The following DPP8 variants were observed in gnomAD, a reference collection of about 807,000 sequenced individuals.
DPP8 encodes the protein dipeptidyl peptidase 8.
Under a neutral mutation model 107.5 loss-of-function variants are expected in DPP8, and 31 were observed. The ratio of observed to expected loss-of-function variants is 0.29; its 90% CI spans 0.22 to 0.39. DPP8 has a LOEUF of 0.39. Among genes scored for constraint, DPP8 ranks in the 10% least tolerant of loss-of-function variants. The probability of loss-of-function intolerance (pLI) is 1.00; values close to 1 mark genes in which losing one functional copy is unlikely to be tolerated. For synonymous variants in DPP8, 381 were observed against 356.6 expected (o/e 1.07, Z -0.77); for missense variants, 842 against 1,076.1 (o/e 0.78, Z 3.04).
Position 65,507,353 on chromosome 15 carries a change from T to C in DPP8, c.262A>G (p.Met88Val), listed in dbSNP as rs546844989. The stretch of plus-strand genomic sequence containing the variant: ...GTATTTTCTCTGTTCTCACCAGACA[T>C]GGCTATAGGAGAAAGCAATCATTTA... Reference protein sequence around the residue: ...PHSDRIYYLAMSGENRENTLF... With the variant: ...PHSDRIYYLAVSGENRENTLF... The change falls in exon 3 of 20, where the codon ATG becomes GTG. Residue 88 changes from methionine (M) to valine (V), a missense_variant and splice_region_variant. Around this residue, in one of 2 missense-constraint regions of DPP8, gnomAD observed 663 missense variants for 758.0 expected, o/e 0.87. Coordinates refer to ENST00000300141, the MANE Select transcript of DPP8 (RefSeq NM_130434.5). 51 of 1,566,400 alleles carry C rather than the reference T, an allele frequency of 3.3e-5. No homozygotes were observed. The South Asian group carries it at 5.6e-4, about 17-fold the overall frequency.
rs1230474931 is a variant in DPP8 at position 65,448,900 on chromosome 15, A to G, written c.2527-1894T>C. ...TATATATATATATATATATATATAT[A>G]TATATATATATATATATATATATTT... On this transcript the variant is annotated intron_variant, in intron 19 of 19. Transcript: ENST00000300141. Among the ~76,000 whole-genome samples the G allele has an allele frequency of 3.3e-3, 270 of 82,558 alleles. 19 individuals carry two copies. Among genetic ancestry groups the G allele is most frequent in the African/African-American group, 0.012 (237 of 20,396 alleles). 54.2% of individuals were successfully genotyped at this position (82,558 alleles called of 152,430 possible). A position where few individuals can be genotyped will look rare whatever the true frequency, so the allele number is the denominator to read the frequency against.
chr15:65,471,650 C>A (rs1316099466), intron 12 of DPP8, among the ~76,000 whole-genome samples: 1 of 151,976 alleles, frequency 6.6e-6, no homozygotes, highest in African/African-American at 2.4e-5. Context: ...CCACACCTGC[C>A]TAATTTAAAA....
chr15:65,456,724 T>C (rs920127776), intron 15 of DPP8, among the ~76,000 whole-genome samples: 2 of 152,130 alleles, frequency 1.3e-5, no homozygotes, highest in African/African-American at 4.8e-5. Context: ...TAAGAAAAAC[T>C]TTCCTCCCCA....
At chr15:65,499,060 C>G (rs147605445) in intron 4 of DPP8, among the ~76,000 whole-genome samples, 39 of 124,946 alleles carry the variant, frequency 3.1e-4, no homozygotes, top group African/African-American at 1.1e-3. Flanking sequence ...TGTCTCCCCC[C>G]CAAAAAAAAA....
intron 5 of DPP8, 122 bp from the exon 6 acceptor site, chr15:65,490,421 G>C: frequency 1.4e-6 from 1 of 690,918 alleles, no homozygotes; most frequent in Non-Finnish European, 2.5e-6. Flanking sequence ...GAGCTGAACG[G>C]ACTGAGTTCA....
chr15:65,483,655 G>T (rs1172340825), intron 8 of DPP8, among the ~76,000 whole-genome samples: 1 of 149,394 alleles, frequency 6.7e-6, no homozygotes, highest in East Asian at 1.9e-4. Flanking sequence ...AGCCACTTTG[G>T]AAAAACACTT....
intron 18 of DPP8, 50 bp downstream of exon 18, chr15:65,451,910 G>GT: frequency 4.0e-6 from 6 of 1,507,468 alleles, no homozygotes; most frequent in Non-Finnish European, 5.3e-6. Context: ...AAGTGACAGA[G>GT]TGAGACCCTG....
At chr15:65,495,477 A>T (rs1401190132) in intron 5 of DPP8, among the ~76,000 whole-genome samples, 1 of 151,732 alleles carries the variant, frequency 6.6e-6, no homozygotes, top group Non-Finnish European at 1.5e-5. Context: ...GGTGGTGTGC[A>T]CCTGTAATCC....
intron 5 of DPP8, 67 bp downstream of exon 5, chr15:65,497,797 T>C: frequency 8.0e-7 from 1 of 1,254,574 alleles, no homozygotes; most frequent in Non-Finnish European, 1.1e-6. Flanking sequence ...AATTTCAAAA[T>C]GCAAGCAGCA....
intron 3 of DPP8, among the ~76,000 whole-genome samples, chr15:65,504,849 G>A (rs575658377): frequency 6.6e-6 from 1 of 151,512 alleles, no homozygotes; most frequent in Non-Finnish European, 1.5e-5. Flanking sequence ...TGGCAATGGT[G>A]CCATATGCCT....
At chr15:65,456,105 T>A in intron 16 of DPP8, 120 bp downstream of exon 16, 4 of 1,051,328 alleles carry the variant, frequency 3.8e-6, no homozygotes, top group East Asian at 2.8e-5. Context: ...CTCTAACACA[T>A]ACACTCTCAC....
rs1262417123 is a variant in DPP8, at chr15:65,443,461, G to A, written c.*3423C>T. On this transcript the variant is annotated 3_prime_UTR_variant, in exon 20 of 20. Transcript: ENST00000300141. The stretch of plus-strand genomic sequence containing the variant: ...AGAGAACTATGCTATAGAAAGGCGG[G>A]CTATACTTTCTGGAAGGAATAAAAC... 1.3e-5 allele frequency: 2 copies of A among 150,886 alleles called. No individual in the cohort carries two copies. Among genetic ancestry groups the A allele is most frequent in the African/African-American group, 4.9e-5 (2 of 40,668 alleles). The allele number at this position is 150,886 out of a possible 1,614,324, so 9.3% of individuals were successfully genotyped here. A position where few individuals can be genotyped will look rare whatever the true frequency, so the allele number is the denominator to read the frequency against.
rs67109112 is a variant in DPP8 at position 65,489,580 on chromosome 15, ATT to A, written c.826+607_826+608del. The stretch of plus-strand genomic sequence containing the variant: ...AGGCGTCCCCCACCATGCCCAGCTA[ATT>A]TTTTTTTTTTTTTTTTGAGTAGAGG... On this transcript the variant is annotated intron_variant, in intron 6 of 19. Coordinates refer to ENST00000300141, the MANE Select transcript of DPP8 (RefSeq NM_130434.5). Among the ~76,000 whole-genome samples, 548 of 125,478 alleles carry A rather than the reference ATT, an allele frequency of 4.4e-3. 6 individuals are homozygous for A. The highest frequency in any genetic ancestry group is 0.011 in the South Asian group (42 of 3,762). 82.3% of individuals were successfully genotyped at this position (125,478 alleles called of 152,430 possible).
At chr15:65,470,082 A>G (rs894635525) in intron 12 of DPP8, among the ~76,000 whole-genome samples, 8 of 150,646 alleles carry the variant, frequency 5.3e-5, no homozygotes, top group Non-Finnish European at 1.0e-4. Flanking sequence ...CTGTAATACC[A>G]GCGACTCGAG....
Position 65,515,628 on chromosome 15 carries a change from T to C in DPP8, c.-12+1858A>G, listed in dbSNP as rs191750263. ...ATATTTCACTGCCCCACCTACCTCG[T>C]CACTTAAGTAGTTTCCCTGGTGCCT... On this transcript the variant is annotated intron_variant, in intron 1 of 19. Transcript: ENST00000300141. The C allele has an allele frequency of 2.0e-3, 3,274 of 1,608,074 alleles. 4 individuals are homozygous for C. The highest frequency in any genetic ancestry group is 3.1e-3 in the Middle Eastern group (19 of 6,054).
chr15:65,467,018 A>G, intron 13 of DPP8, 53 bp downstream of exon 13: 2 of 1,600,014 alleles, frequency 1.2e-6, no homozygotes, highest in Non-Finnish European at 1.7e-6. Context: ...GGAGTATTAC[A>G]TAAGCAGAGA....
intron 19 of DPP8, among the ~76,000 whole-genome samples, chr15:65,450,104 A>C (rs981253304): frequency 2.0e-5 from 3 of 152,018 alleles, no homozygotes; most frequent in Admixed American, 2.0e-4. Flanking sequence ...AGTAGCTGGG[A>C]TTACAGGCAT....
rs531248487 is a variant in DPP8 at position 65,481,456 on chromosome 15, T to C, written c.1118+59A>G. 2.0e-5 allele frequency: 24 copies of C among 1,206,270 alleles called. No homozygotes were observed. In the African/African-American group the frequency reaches 3.0e-4, roughly 15 times the overall value. The allele number at this position is 1,206,270 out of a possible 1,614,324, so 74.7% of individuals were successfully genotyped here. A position where few individuals can be genotyped will look rare whatever the true frequency, so the allele number is the denominator to read the frequency against. On this transcript the variant is annotated intron_variant, in intron 9 of 19. Coordinates refer to ENST00000300141, the MANE Select transcript of DPP8 (RefSeq NM_130434.5). ...TACAAGGCAAACCTAATAGCACAAA[T>C]ATTCCAAAGCTCTGGATCCTAAATT...
intron 8 of DPP8, among the ~76,000 whole-genome samples, chr15:65,483,861 T>G (rs2067161306): frequency 6.6e-6 from 1 of 152,168 alleles, no homozygotes; most frequent in South Asian, 2.1e-4. Flanking sequence ...CAATATGGTA[T>G]ATCCATATAA....
Sources: gnomAD v4.1 joint callset for allele counts (sites outside exome capture counted in the v4.1 genomes callset) on GRCh38, gnomAD v4.1.1 for gene constraint, gnomAD v4.1.1 regional missense constraint, MANE v1.5 for transcripts, NCBI Gene and HGNC (gene_info 2026-07-23, HGNC 2026-07-21) for gene names.